NAALADL2: variants seen among roughly 807,000 people sequenced by gnomAD.
NAALADL2 encodes inactive N-acetylated-alpha-linked acidic dipeptidase-like protein 2.
In NAALADL2, 76 loss-of-function variants were observed where a neutral mutation model predicts 87.2. The observed-to-expected ratio is 0.87, with a 90% CI of 0.72 to 1.05. The LOEUF is 1.05. Among genes scored for constraint, NAALADL2 ranks in the 50% least tolerant of loss-of-function variants. The pLI, the probability that NAALADL2 is intolerant of heterozygous loss-of-function variation, is 0.00. For missense variants in NAALADL2, 1,089 were observed against 945.8 expected, an observed-to-expected ratio of 1.15 and a Z score of -1.99; for synonymous variants, 354 against 331.0, an observed-to-expected ratio of 1.07 and a Z score of -0.75.
At chr3:175,178,239 A>G (rs1245802909) in intron 2 of NAALADL2, among the ~76,000 whole-genome samples, 1 of 152,012 alleles carries the variant, frequency 6.6e-6, no homozygotes. Context: ...TAGTTATATA[A>G]TTATTATTAT....
chr3:174,932,784 C>T (rs541450520), intron 1 of NAALADL2, among the ~76,000 whole-genome samples: 6 of 152,210 alleles, frequency 3.9e-5, no homozygotes, highest in African/African-American at 1.4e-4. Context: ...GTCAAGATTA[C>T]CTTTAGTGTA....
intron 13 of NAALADL2, among the ~76,000 whole-genome samples, chr3:175,783,553 T>G (rs138503690): frequency 0.47 from 70,207 of 150,446 alleles, 20,305 homozygotes; most frequent in African/African-American, 0.82. Context: ...CATTGATTTT[T>G]TATCCTGAGA....
At chr3:174,705,291 C>A (rs1449361320) in intron 2 of NAALADL2, among the ~76,000 whole-genome samples, 3 of 152,076 alleles carry the variant, frequency 2.0e-5, no homozygotes, top group African/African-American at 7.2e-5. Flanking sequence ...TGTACAAATA[C>A]CATACAGACA....
chr3:175,804,415 T>C lies in NAALADL2; in HGVS notation c.*1212T>C, dbSNP rs199662444. The C allele has an allele frequency of 4.6e-5, 7 of 151,988 alleles. No homozygotes were observed. The East Asian group carries it at 1.4e-3, about 29-fold the overall frequency. The allele number at this position is 151,988 out of a possible 1,614,324, so 9.4% of individuals were successfully genotyped here. A position where few individuals can be genotyped will look rare whatever the true frequency, so the allele number is the denominator to read the frequency against. On this transcript the variant is annotated 3_prime_UTR_variant, in exon 14 of 14. Coordinates refer to ENST00000454872, the MANE Select transcript of NAALADL2 (RefSeq NM_207015.3). ...CATGTGGAAAACTAAGCTTTTTATA[T>C]TGACATTGCCATTGAATAGCTCTAG... is the stretch of plus-strand genomic sequence containing the variant.
rs181488003 is a variant in NAALADL2, at chr3:174,787,600, T to C, written c.-9+49854T>C. Among the ~76,000 whole-genome samples, 433 of 68,322 alleles carry C rather than the reference T, an allele frequency of 6.3e-3. 1 individual carries two copies. The highest frequency in any genetic ancestry group is 9.9e-3 in the Non-Finnish European group (291 of 29,524). 44.8% of individuals were successfully genotyped at this position (68,322 alleles called of 152,430 possible). On this transcript the variant is annotated intron_variant, in intron 3 of 3. Coordinates refer to the NAALADL2 transcript ENST00000434257. Reference sequence around the variant, plus strand: ...TCATATATATATATATATATATATATATATATATATATATATATATAGTAG... The same window carrying C: ...TCATATATATATATATATATATATACATATATATATATATATATATAGTAG...
chr3:175,467,190 G>A lies in NAALADL2; in HGVS notation c.1533+6G>A. The stretch of plus-strand genomic sequence containing the variant: ...GCTCATATGAATGGGGAGAGGTAAA[G>A]CAAAATATACATTAATTACAGTGCT... On this transcript the variant is annotated splice_donor_region_variant and intron_variant, in intron 8 of 13. Transcript: ENST00000454872. 6.2e-7 allele frequency: 1 copy of A among 1,607,464 alleles called. No homozygotes were observed. Among genetic ancestry groups the A allele is most frequent in the Non-Finnish European group, 8.5e-7 (1 of 1,174,508 alleles).
chr3:175,426,479 A>G (rs1032254782), intron 5 of NAALADL2, among the ~76,000 whole-genome samples: 1 of 152,160 alleles, frequency 6.6e-6, no homozygotes, highest in Admixed American at 6.6e-5. Flanking sequence ...TGTCCTTTCT[A>G]TTTCTATATA....
chr3:175,155,031 T>C (rs1016366197), intron 2 of NAALADL2, among the ~76,000 whole-genome samples: 7 of 152,182 alleles, frequency 4.6e-5, no homozygotes, highest in African/African-American at 9.6e-5. Flanking sequence ...TTTGTTCTCA[T>C]GGGGATATTA....
intron 2 of NAALADL2, among the ~76,000 whole-genome samples, chr3:174,636,567 T>A: frequency 6.6e-6 from 1 of 152,104 alleles, no homozygotes; most frequent in African/African-American, 2.4e-5. Context: ...TCAACATCAC[T>A]GTTCATCAGG....
In NAALADL2 at chr3:175,128,925, A is replaced by AT. The variant is rs200656722; in HGVS notation, c.545+31643dup. Among the ~76,000 whole-genome samples the AT allele has an allele frequency of 2.1e-4, 31 of 151,186 alleles. No individual in the cohort carries two copies. The East Asian group carries it at 5.4e-3, about 27-fold the overall frequency. On this transcript the variant is annotated intron_variant, in intron 2 of 13. Transcript: ENST00000454872. ...TGTATAGATTGTGTACTAGTTACCA[A>AT]TTTTTTTTTGTTTGTTTGTTTGTTT...
chr3:174,521,803 A>G (rs1413045197), intron 1 of NAALADL2, among the ~76,000 whole-genome samples: 1 of 151,946 alleles, frequency 6.6e-6, no homozygotes, highest in African/African-American at 2.4e-5. Flanking sequence ...AGGAGAGGGG[A>G]ATGAGGGTTG....
chr3:175,095,660 A>G (rs1446243220), intron 1 of NAALADL2, among the ~76,000 whole-genome samples: 1 of 152,018 alleles, frequency 6.6e-6, no homozygotes, highest in African/African-American at 2.4e-5. Flanking sequence ...CCTTTGTGAA[A>G]TCCTTGTTTT....
intron 2 of NAALADL2, among the ~76,000 whole-genome samples, chr3:174,650,554 A>G (rs76660077): frequency 0.034 from 5,108 of 152,238 alleles, 231 homozygotes; most frequent in African/African-American, 0.1. Flanking sequence ...AGTTTTAAAG[A>G]TATGGAATTC....
intron 4 of NAALADL2, among the ~76,000 whole-genome samples, chr3:175,279,211 T>A (rs1753967842): frequency 6.6e-6 from 1 of 152,204 alleles, no homozygotes; most frequent in South Asian, 2.1e-4. Flanking sequence ...ATTCATTTTA[T>A]ATGGGACCCT....
chr3:175,216,644 A>G (rs1014385088), intron 2 of NAALADL2, among the ~76,000 whole-genome samples: 1 of 132,040 alleles, frequency 7.6e-6, no homozygotes, highest in Admixed American at 8.0e-5. Flanking sequence ...TTGACAAGCA[A>G]TTTTTTTTCT....
intron 1 of NAALADL2, among the ~76,000 whole-genome samples, chr3:174,936,276 C>T (rs1235713183): frequency 6.6e-6 from 1 of 151,884 alleles, no homozygotes; most frequent in East Asian, 1.9e-4. Context: ...TTCTATATTT[C>T]AGGGGAATTT....
At chr3:175,748,676 T>TA (rs1746238738) in intron 12 of NAALADL2, among the ~76,000 whole-genome samples, 1 of 152,094 alleles carries the variant, frequency 6.6e-6, no homozygotes, top group Non-Finnish European at 1.5e-5. Context: ...TAATTTAAAA[T>TA]AAAATTGAAT....
At chr3:175,493,612 A>G (rs373859934) in intron 9 of NAALADL2, among the ~76,000 whole-genome samples, 4 of 152,118 alleles carry the variant, frequency 2.6e-5, no homozygotes, top group Admixed American at 6.6e-5. Flanking sequence ...GCATATTTTA[A>G]CCAAAAGACA....
intron 2 of NAALADL2, among the ~76,000 whole-genome samples, chr3:174,631,601 C>A (rs903915066): frequency 1.3e-5 from 2 of 151,900 alleles, no homozygotes; most frequent in Non-Finnish European, 2.9e-5. Flanking sequence ...TTTTATTTTC[C>A]AAATGGACAA....
Sources: gnomAD v4.1 joint callset for allele counts (sites outside exome capture counted in the v4.1 genomes callset) on GRCh38, gnomAD v4.1.1 for gene constraint, MANE v1.5 for transcripts, NCBI Gene and HGNC (gene_info 2026-07-23, HGNC 2026-07-21) for gene names.